The following FARSA variants were observed in gnomAD, a reference collection of about 807,000 sequenced individuals.
FARSA encodes the protein phenylalanyl-tRNA synthetase subunit alpha, also known as phenylalanine--tRNA ligase alpha subunit.
In FARSA, 37 loss-of-function variants were observed where a neutral mutation model predicts 63.2. The ratio of observed to expected loss-of-function variants is 0.59; its 90% CI spans 0.45 to 0.77. The LOEUF (loss-of-function observed/expected upper bound fraction) is 0.77, where lower values mean the gene tolerates loss of function less well. FARSA is among the 30% of genes least tolerant of loss of function. The pLI is 0.00. For missense variants in FARSA, 618 were observed against 696.6 expected, an observed-to-expected ratio of 0.89 and a Z score of 1.27; for synonymous variants, 312 against 285.1, an observed-to-expected ratio of 1.09 and a Z score of -0.95.
At chr19:12,930,954 G>A (rs978825911) in intron 1 of FARSA, among the ~76,000 whole-genome samples, 4 of 152,180 alleles carry the variant, frequency 2.6e-5, no homozygotes, top group Non-Finnish European at 4.4e-5. Context: ...CACAGGGGTA[G>A]TAATAATGAT....
At position 12,930,543 on chromosome 19, in the gene FARSA, T is replaced by C. The variant is rs372285607; in HGVS notation, c.286-16A>G. 15 of 1,611,924 alleles carry C rather than the reference T, an allele frequency of 9.3e-6. No individual in the cohort carries two copies. In the African/African-American group the frequency reaches 1.9e-4, roughly 20 times the overall value. On this transcript the variant is annotated splice_polypyrimidine_tract_variant and intron_variant, in intron 2 of 12. Transcript: ENST00000314606. ...TGGGCAGTCGCTGGAAAAGAGAGGC[T>C]GCAGTGAGTGGGGCACGAGGGCCAC...
In FARSA at chr19:12,924,754, C is replaced by G; in HGVS notation, c.1080G>C (p.Glu360Asp). The change falls in exon 10 of 13, where the codon GAG becomes GAC. Residue 360 changes from glutamate (E) to aspartate (D), a missense_variant. Physicochemically the swap from Glu to Asp is conservative, Grantham distance 45 (BLOSUM62 2). Transcript: ENST00000314606. The surrounding 1 kb of genome is among the most constrained non-coding windows in gnomAD (Gnocchi z 6.4). The part of the protein sequence containing the change: ...YFSIDRVFRN[E>D]TLDATHLAEF... ...CAGCCAGGTGCGTGGCGTCCAGGGT[C>G]TCATTCCGGAATACGCGGTCGATGG... is the stretch of plus-strand genomic sequence containing the variant. 2.5e-6 allele frequency: 4 copies of G among 1,602,246 alleles called. No individual in the cohort carries two copies. Among genetic ancestry groups the G allele is most frequent in the Non-Finnish European group, 2.6e-6 (3 of 1,171,870 alleles).
chr19:12,922,568 C>T lies in FARSA; in HGVS notation c.*180G>A. ...ACAGTAGACACACCACACAGGACAACAGAAGGAACCTGCTACCCAGTCCTC... is the reference window on the plus strand; with the variant it reads ...ACAGTAGACACACCACACAGGACAATAGAAGGAACCTGCTACCCAGTCCTC... On this transcript the variant is annotated 3_prime_UTR_variant, in exon 13 of 13. Transcript: ENST00000314606. 1 of 726,936 alleles carries T rather than the reference C, an allele frequency of 1.4e-6. No individual in the cohort carries two copies. The highest frequency in any genetic ancestry group is 2.7e-5 in the East Asian group (1 of 36,850). The allele number at this position is 726,936 out of a possible 1,614,324, so 45.0% of individuals were successfully genotyped here.
Position 12,928,805 on chromosome 19 carries a change from AC to A in FARSA, c.545del (p.Ser182IlefsTer11), listed in dbSNP as rs780528739. Reference sequence around the variant, plus strand: ...CTGTCTCTTGCTTGGAGATGCTGGTACTAAAGGCACTGCCTTTGCTCACCCA... The same window carrying A: ...CTGTCTCTTGCTTGGAGATGCTGGTATAAAGGCACTGCCTTTGCTCACCCA... ...TYWVSKGSAF[S>X]TSISKQETEL... On this transcript the variant is annotated frameshift_variant, in exon 5 of 13. Coordinates refer to ENST00000314606, the MANE Select transcript of FARSA (RefSeq NM_004461.3). LOFTEE classifies it high-confidence loss of function. The A allele has an allele frequency of 6.2e-7, 1 of 1,614,132 alleles. No homozygotes were observed. Among genetic ancestry groups the A allele is most frequent in the Non-Finnish European group, 8.5e-7 (1 of 1,180,016 alleles).
Position 12,933,621 on chromosome 19 carries a change from A to G in FARSA, c.76T>C (p.Leu26=). ...TGCTCCATGCCCAGCTCAGCCGCCA[A>G]CTCGGCGCTGTCCAGGCCGCCATCA... ...ASDGGLDSAE[L]AAELGMEHQA... is the part of the protein sequence containing the mutation. Residue 26 remains leucine, a synonymous_variant, in exon 1 of 13, where the codon TTG becomes CTG. Coordinates refer to ENST00000314606, the MANE Select transcript of FARSA (RefSeq NM_004461.3). 1.3e-6 allele frequency: 2 copies of G among 1,558,426 alleles called. No homozygotes were observed. The highest frequency in any genetic ancestry group is 1.7e-6 in the Non-Finnish European group (2 of 1,155,930).
Position 12,924,004 on chromosome 19 carries a change from CA to C in FARSA, c.1388+146del, listed in dbSNP as rs753270114. Reference sequence around the variant, plus strand: ...GGGACATAAGCTGTCATGTTCACAGCACGGGGCTGAGCATTCAGTTTGTACT... The same window carrying C: ...GGGACATAAGCTGTCATGTTCACAGCCGGGGCTGAGCATTCAGTTTGTACT... On this transcript the variant is annotated intron_variant, in intron 12 of 12. Coordinates refer to ENST00000314606, the MANE Select transcript of FARSA (RefSeq NM_004461.3). This position sits in a 1 kb window ranked among gnomAD's most constrained non-coding sequence, Gnocchi z 6.4. 71 of 657,506 alleles carry C rather than the reference CA, an allele frequency of 1.1e-4. No individual in the cohort carries two copies. The highest frequency in any genetic ancestry group is 1.9e-4 in the Non-Finnish European group (71 of 367,004). 40.7% of individuals were successfully genotyped at this position (657,506 alleles called of 1,614,324 possible).
At chr19:12,932,640 T>C (rs1298267123) in intron 1 of FARSA, among the ~76,000 whole-genome samples, 2 of 152,162 alleles carry the variant, frequency 1.3e-5, no homozygotes, top group African/African-American at 4.8e-5. Context: ...ATGGAATGGA[T>C]TGGACAAACA....
intron 7 of FARSA, among the ~76,000 whole-genome samples, chr19:12,925,809 G>C (rs1429820686): frequency 6.6e-6 from 1 of 151,366 alleles, no homozygotes; most frequent in Non-Finnish European, 1.5e-5. Context: ...AAGTAGCTGG[G>C]ATTACAGAAG....
chr19:12,928,163 T>G (rs1045833259), intron 7 of FARSA, among the ~76,000 whole-genome samples, 179 bp downstream of exon 7: 27 of 152,270 alleles, frequency 1.8e-4, no homozygotes, highest in Non-Finnish European at 2.6e-4. Context: ...TGAGCTGGAT[T>G]TGAACTCCTG....
intron 7 of FARSA, among the ~76,000 whole-genome samples, chr19:12,927,255 G>A (rs185901976): frequency 2.6e-5 from 4 of 152,292 alleles, no homozygotes; most frequent in East Asian, 1.9e-4. Context: ...GGCTAAAGAC[G>A]GAACATAAGC....
Position 12,922,511 on chromosome 19 carries a change from G to A in FARSA, c.*237C>T. On this transcript the variant is annotated 3_prime_UTR_variant, in exon 13 of 13. Coordinates refer to ENST00000314606, the MANE Select transcript of FARSA (RefSeq NM_004461.3). ...AACTGCCCACTTTATTAGACAATAG[G>A]TGGCCCACAGGTCTCCTCAGGGCCC... is the stretch of plus-strand genomic sequence containing the variant. The A allele has an allele frequency of 1.8e-6, 1 of 544,394 alleles. No homozygotes were observed. The highest frequency in any genetic ancestry group is 3.3e-6 in the Non-Finnish European group (1 of 306,618). 33.7% of individuals were successfully genotyped at this position (544,394 alleles called of 1,614,324 possible). A position where few individuals can be genotyped will look rare whatever the true frequency, so the allele number is the denominator to read the frequency against.
intron 1 of FARSA, among the ~76,000 whole-genome samples, chr19:12,932,301 G>A (rs1438593550): frequency 6.6e-6 from 1 of 152,090 alleles, no homozygotes; most frequent in Non-Finnish European, 1.5e-5. Flanking sequence ...AAAGTGCTGG[G>A]ATTACAGGTG....
intron 7 of FARSA, among the ~76,000 whole-genome samples, chr19:12,927,729 C>CA (rs71168636): frequency 0.022 from 682 of 30,652 alleles, 133 homozygotes; most frequent in African/African-American, 0.091. Flanking sequence ...GAGACTGTCT[C>CA]AAAAAAAAAA....
Position 12,924,249 on chromosome 19 carries a change from C to T in FARSA, c.1290G>A (p.Val430=), listed in dbSNP as rs1971299146. ...GGAAGACCCCCGAGTTTCCGACCTC[C>T]ACCCACTTCTTCAGGCCTGCAGAGG... ...FSYHQGLKKW[V]EVGNSGVFRP... The change falls in exon 12 of 13, where the codon GTG becomes GTA. Residue 430 remains valine (V), a synonymous_variant. Coordinates refer to ENST00000314606, the MANE Select transcript of FARSA (RefSeq NM_004461.3). This position sits in a 1 kb window ranked among gnomAD's most constrained non-coding sequence, Gnocchi z 6.4. The T allele has an allele frequency of 6.2e-7, 1 of 1,613,974 alleles. No individual in the cohort carries two copies. The highest frequency in any genetic ancestry group is 1.7e-5 in the Admixed American group (1 of 60,000).
At position 12,924,793 on chromosome 19, in the gene FARSA, C is replaced by G; in HGVS notation, c.1041G>C (p.Pro347=). The G allele has an allele frequency of 6.2e-7, 1 of 1,605,850 alleles. No individual in the cohort carries two copies. Among genetic ancestry groups the G allele is most frequent in the Non-Finnish European group, 8.5e-7 (1 of 1,174,338 alleles). ...CGCGGTCGATGGAGAAGTACTTGAC[C>G]GGAGTGAAGGGCTTCTAGGGGTGAC... is the stretch of plus-strand genomic sequence containing the variant. ...YRLAQKKPFT[P]VKYFSIDRVF... Residue 347 remains proline, a synonymous_variant, in exon 10 of 13, where the codon CCG becomes CCC. Coordinates refer to ENST00000314606, the MANE Select transcript of FARSA (RefSeq NM_004461.3). The surrounding 1 kb of genome is among the most constrained non-coding windows in gnomAD (Gnocchi z 6.4).
At chr19:12,932,057 G>C (rs1276533483) in intron 1 of FARSA, among the ~76,000 whole-genome samples, 1 of 40,650 alleles carries the variant, frequency 2.5e-5, no homozygotes, top group Non-Finnish European at 5.4e-5. Context: ...TTTTTTTTTT[G>C]AGACGGAGTC....
chr19:12,928,348 GGAA>G lies in FARSA; in HGVS notation c.832_834del (p.Phe278del), dbSNP rs764095148. ...GCCCTAGGGGCTGACCCACCTCGAA[GGAA>G]GAAGGTGTCGTGCTGGTCACGGGCT... On this transcript the variant is annotated inframe_deletion, in exon 7 of 13. Coordinates refer to ENST00000314606, the MANE Select transcript of FARSA (RefSeq NM_004461.3). The G allele has an allele frequency of 1.5e-5, 25 of 1,613,776 alleles. No individual in the cohort carries two copies. Among genetic ancestry groups the G allele is most frequent in the Middle Eastern group, 1.6e-4 (1 of 6,078 alleles).
At position 12,924,714 on chromosome 19, in the gene FARSA, C is replaced by T. The variant is rs1371997924; in HGVS notation, c.1120G>A (p.Glu374Lys). ...AGACCATGATCCGCCACCACGCCCT[C>T]GATCTGGTGGAACTCAGCCAGGTGC... is the stretch of plus-strand genomic sequence containing the variant. ...ATHLAEFHQI[E>K]GVVADHGLTL... The change falls in exon 10 of 13, where the codon GAG becomes AAG. Residue 374 changes from glutamate to lysine, a missense_variant. By Grantham distance (56) the Glu-to-Lys change is moderately conservative. Coordinates refer to ENST00000314606, the MANE Select transcript of FARSA (RefSeq NM_004461.3). The surrounding 1 kb of genome is among the most constrained non-coding windows in gnomAD (Gnocchi z 6.4). The T allele has an allele frequency of 1.3e-6, 2 of 1,597,844 alleles. No individual in the cohort carries two copies. Among genetic ancestry groups the T allele is most frequent in the South Asian group, 1.1e-5 (1 of 89,204 alleles).
At position 12,924,474 on chromosome 19, in the gene FARSA, G is replaced by C; in HGVS notation, c.1248C>G (p.Ser416Arg). The part of the protein sequence containing the change: ...KPAYNPYTEP[S>R]MEVFSYHQGL... ...CTTGGTGGTAGCTGAACACCTCCAT[G>C]CTGGGCTCTGTGTATGGGTTGTAGG... The change falls in exon 11 of 13, where the codon AGC becomes AGG. Residue 416 changes from serine to arginine, a missense_variant. Coordinates refer to ENST00000314606, the MANE Select transcript of FARSA (RefSeq NM_004461.3). This position sits in a 1 kb window ranked among gnomAD's most constrained non-coding sequence, Gnocchi z 6.4. 1 of 1,613,468 alleles carries C rather than the reference G, an allele frequency of 6.2e-7. No homozygotes were observed. Among genetic ancestry groups the C allele is most frequent in the Non-Finnish European group, 8.5e-7 (1 of 1,180,006 alleles).
Sources: gnomAD v4.1 joint callset for allele counts (sites outside exome capture counted in the v4.1 genomes callset) on GRCh38, gnomAD v4.1.1 for gene constraint, Gnocchi (gnomAD v3.1) non-coding constraint, MANE v1.5 for transcripts, NCBI Gene and HGNC (gene_info 2026-07-23, HGNC 2026-07-21) for gene names.